Variants in MTA3 observed in about 807,000 individuals in gnomAD.
MTA3 encodes the protein metastasis-associated protein MTA3.
MTA3 carries 34 observed loss-of-function variants against 83.5 expected under a neutral mutation model. The observed-to-expected ratio is 0.41, with a 90% CI of 0.31 to 0.54. MTA3 has a LOEUF of 0.54. MTA3 is among the 20% of genes least tolerant of loss of function. The pLI is 0.33. For missense variants in MTA3, 761 were observed against 726.4 expected, an observed-to-expected ratio of 1.05 and a Z score of -0.55; for synonymous variants, 303 against 252.7, an observed-to-expected ratio of 1.20 and a Z score of -1.89.
intron 11 of MTA3, among the ~76,000 whole-genome samples, chr2:42,698,246 A>C (rs537405027): frequency 2.6e-5 from 4 of 152,264 alleles, no homozygotes; most frequent in Admixed American, 1.3e-4. Context: ...CTTGGTTCCA[A>C]TGGCAATTAG....
At chr2:42,568,437 A>ACTCCCT (rs1678039632), upstream of MTA3, 1 of 23,882 alleles carries the variant, frequency 4.2e-5, no homozygotes, top group East Asian at 1.5e-3. Flanking sequence ...TCCCACTCCC[A>ACTCCCT]CTCCCTTTCC....
At chr2:42,634,606 A>G (rs569952174) in intron 4 of MTA3, among the ~76,000 whole-genome samples, 18 of 152,198 alleles carry the variant, frequency 1.2e-4, no homozygotes, top group Non-Finnish European at 2.4e-4. Flanking sequence ...ACAATTCAAG[A>G]TGAGATTTGG....
intron 4 of MTA3, among the ~76,000 whole-genome samples, chr2:42,625,713 C>G (rs2104221237): frequency 6.9e-6 from 1 of 144,240 alleles, no homozygotes; most frequent in East Asian, 2.1e-4. Context: ...CGCCACTGCA[C>G]TCTAGCCTGG....
At chr2:42,742,969 G>T (rs898613522) in intron 16 of MTA3, among the ~76,000 whole-genome samples, 1 of 152,282 alleles carries the variant, frequency 6.6e-6, no homozygotes, top group African/African-American at 2.4e-5. Context: ...CTTGGATTAA[G>T]TTATTTTGAG....
chr2:42,695,866 A>G, intron 10 of MTA3, 27 bp downstream of exon 10: 1 of 1,387,070 alleles, frequency 7.2e-7, no homozygotes, highest in Non-Finnish European at 9.9e-7. Context: ...TGCTACCAAT[A>G]TGGTTGCATT....
chr2:42,682,218 G>A (rs1050414700), intron 8 of MTA3, among the ~76,000 whole-genome samples, 183 bp from the exon 9 acceptor site: 2 of 152,060 alleles, frequency 1.3e-5, no homozygotes, highest in Non-Finnish European at 2.9e-5. Flanking sequence ...GTACAAGTCA[G>A]CATTTTCTAA....
At chr2:42,628,042 G>A (rs1022223592) in intron 4 of MTA3, among the ~76,000 whole-genome samples, 25 of 151,652 alleles carry the variant, frequency 1.6e-4, no homozygotes, top group East Asian at 1.2e-3. Context: ...GCACCACCAC[G>A]CCCAGCTAAT....
At chr2:42,500,932 T>G (rs1370381872) in intron 2 of MTA3, among the ~76,000 whole-genome samples, 1 of 150,758 alleles carries the variant, frequency 6.6e-6, no homozygotes, top group Non-Finnish European at 1.5e-5. Context: ...TGCCTCAGCC[T>G]CCCGAGTAGC....
chr2:42,628,356 G>A (rs987445520), intron 4 of MTA3, among the ~76,000 whole-genome samples: 10 of 151,682 alleles, frequency 6.6e-5, no homozygotes, highest in African/African-American at 2.2e-4. Flanking sequence ...TCAGCCTCCC[G>A]AGTAGCTGGG....
chr2:42,733,313 C>T (rs1262859999), intron 16 of MTA3, among the ~76,000 whole-genome samples: 1 of 152,126 alleles, frequency 6.6e-6, no homozygotes, highest in East Asian at 1.9e-4. Context: ...ATGCAGAAAC[C>T]CCTGATAAAC....
chr2:42,500,911 C>T (rs572320560), intron 2 of MTA3, among the ~76,000 whole-genome samples: 2 of 151,086 alleles, frequency 1.3e-5, no homozygotes, highest in Admixed American at 6.6e-5. Context: ...CCCGGGTTCA[C>T]GCCATTCTCC....
intron 1 of MTA3, 47 bp from the exon 2 acceptor site, chr2:42,570,390 G>T: frequency 8.1e-7 from 1 of 1,233,726 alleles, no homozygotes; most frequent in South Asian, 1.4e-5. Flanking sequence ...TGACAAATCT[G>T]AACTTTCTGT....
chr2:42,560,427 G>C (rs1677612817), intron 2 of MTA3, among the ~76,000 whole-genome samples: 1 of 151,720 alleles, frequency 6.6e-6, no homozygotes, highest in East Asian at 1.9e-4. Context: ...GATCACTTGA[G>C]GTCAGGAGTT....
At position 42,597,328 on chromosome 2, in the gene MTA3, G is replaced by T. The variant is rs531914884; in HGVS notation, c.191-12130G>T. ...GATCCTACTGCCTAATCCTCCCAAG[G>T]TGTTGGGATTACAGGAGTGAGCCAC... On this transcript the variant is annotated intron_variant, in intron 3 of 16. Transcript: ENST00000405094. Among the ~76,000 whole-genome samples, 36 of 150,768 alleles carry T rather than the reference G, an allele frequency of 2.4e-4. 1 individual carries two copies. In the East Asian group the frequency reaches 7.1e-3, roughly 30 times the overall value.
intron 16 of MTA3, among the ~76,000 whole-genome samples, chr2:42,743,059 G>T (rs777695509): frequency 9.9e-5 from 15 of 152,194 alleles, no homozygotes; most frequent in South Asian, 4.1e-4. Flanking sequence ...AGACCCTACA[G>T]TAGAGGAGAT....
chr2:42,510,440 C>T (rs1351891402), intron 2 of MTA3, among the ~76,000 whole-genome samples: 5 of 152,116 alleles, frequency 3.3e-5, no homozygotes, highest in Non-Finnish European at 7.3e-5. Flanking sequence ...AGATCAGCTC[C>T]CATCATGTCT....
At chr2:42,552,095 C>T (rs1370996377) in intron 2 of MTA3, among the ~76,000 whole-genome samples, 1 of 152,048 alleles carries the variant, frequency 6.6e-6, no homozygotes, top group Non-Finnish European at 1.5e-5. Context: ...TGGGCTCAAG[C>T]AGTCCTCCCA....
chr2:42,614,982 A>AG (rs1292695459), intron 4 of MTA3, among the ~76,000 whole-genome samples: 4 of 150,848 alleles, frequency 2.7e-5, no homozygotes, highest in Non-Finnish European at 5.9e-5. Flanking sequence ...GTCTTAAAAA[A>AG]AAAAAAAACA....
In MTA3 at chr2:42,628,767, C is replaced by T. The variant is rs1037380311; in HGVS notation, c.318-11406C>T. 3.0e-5 allele frequency among the ~76,000 whole-genome samples: 3 copies of T among 100,740 alleles called. No individual in the cohort carries two copies. The East Asian group carries it at 7.2e-4, about 24-fold the overall frequency. The allele number at this position is 100,740 out of a possible 152,430, so 66.1% of individuals were successfully genotyped here. On this transcript the variant is annotated intron_variant, in intron 4 of 16. Transcript: ENST00000405094. ...GTTATTGAGTATTGACAAAACATTT[C>T]CACCCTTTTTTTTTTTTTTTTTGGT... is the stretch of plus-strand genomic sequence containing the variant.
Sources: gnomAD v4.1 joint callset for allele counts (sites outside exome capture counted in the v4.1 genomes callset) on GRCh38, gnomAD v4.1.1 for gene constraint, MANE v1.5 for transcripts, NCBI Gene and HGNC (gene_info 2026-07-23, HGNC 2026-07-21) for gene names.